Variants in SPRY1 observed in about 807,000 individuals in gnomAD.
SPRY1 encodes sprouty RTK signaling antagonist 1.
Under a neutral mutation model 22.6 loss-of-function variants are expected in SPRY1, and 20 were observed. That is an observed-to-expected ratio of 0.89 (90% CI 0.62 to 1.29). The LOEUF (loss-of-function observed/expected upper bound fraction) is 1.29. SPRY1 is among the 50% of genes most tolerant of loss of function. The probability of loss-of-function intolerance (pLI) is 0.00; values close to 1 mark genes in which losing one functional copy is unlikely to be tolerated. For missense variants in SPRY1, 446 were observed against 387.7 expected (o/e 1.15, Z -1.26); for synonymous variants, 155 against 144.7 (o/e 1.07, Z -0.51).
At chr4:123,399,343 T>C in intron 2 of SPRY1, among the ~76,000 whole-genome samples, 1 of 150,922 alleles carries the variant, frequency 6.6e-6, no homozygotes, top group Admixed American at 6.6e-5. Flanking sequence ...GCCACTGCAC[T>C]CCAGCCTGGG....
rs1305972600 is a variant in SPRY1 at position 123,402,278 on chromosome 4, C to G, written c.687C>G (p.Phe229Leu). 1.2e-6 allele frequency: 2 copies of G among 1,614,238 alleles called. No homozygotes were observed. Among genetic ancestry groups the G allele is most frequent in the Non-Finnish European group, 1.7e-6 (2 of 1,180,032 alleles). Residue 229 changes from phenylalanine (F) to leucine (L), a missense_variant, in exon 3 of 3, where the codon TTC becomes TTG. Phe to Leu is a conservative substitution (Grantham distance 22, BLOSUM62 0). Transcript: ENST00000651917. The part of the protein sequence containing the change: ...GTCMCLVKGI[F>L]YHCSNDDEGD... ...GCATGTGCTTAGTCAAGGGCATCTT[C>G]TACCACTGCTCCAATGACGACGAAG...
rs1451455343 is a variant in SPRY1, at chr4:123,402,319, A to C, written c.728A>C (p.Asp243Ala). Residue 243 changes from aspartate to alanine, a missense_variant, in exon 3 of 3, where the codon GAT becomes GCT. Transcript: ENST00000651917. ...SNDDEGDSYS[D>A]NPCSCSQSHC... ...GACGACGAAGGGGATTCCTATTCAG[A>C]TAATCCTTGCTCCTGTTCACAATCA... is the stretch of plus-strand genomic sequence containing the variant. The C allele has an allele frequency of 6.2e-7, 1 of 1,614,242 alleles. No individual in the cohort carries two copies. Among genetic ancestry groups the C allele is most frequent in the Non-Finnish European group, 8.5e-7 (1 of 1,180,036 alleles).
At chr4:123,398,274 TCCGGGCC>T (rs1161716771) in intron 2 of SPRY1, 1 of 151,790 alleles carries the variant, frequency 6.6e-6, no homozygotes, top group Non-Finnish European at 1.5e-5. Flanking sequence ...CCGTGACAGG[TCCGGGCC>T]CGGCCGCGCG....
chr4:123,397,573 G>A (rs1359500588), intron 1 of SPRY1, 38 bp from the exon 2 acceptor site: 2 of 152,160 alleles, frequency 1.3e-5, no homozygotes, highest in East Asian at 3.9e-4. Flanking sequence ...CGAAGAAAGG[G>A]ACATTCACGA....
At position 123,401,661 on chromosome 4, in the gene SPRY1, C is replaced by T. The variant is rs755205655; in HGVS notation, c.70C>T (p.Arg24Cys). 1.5e-5 allele frequency: 24 copies of T among 1,613,974 alleles called. No individual in the cohort carries two copies. Among genetic ancestry groups the T allele is most frequent in the Non-Finnish European group, 1.9e-5 (22 of 1,180,040 alleles). The change falls in exon 3 of 3, where the codon CGT becomes TGT. Residue 24 changes from arginine to cysteine, a missense_variant. Transcript: ENST00000651917. ...GATCCAGCAGCCTTCTTTGGATAGC[C>T]GTCAGAGATTAGACTATGAGAGAGA... The part of the protein sequence containing the change: ...VVIQQPSLDS[R>C]QRLDYEREIQ...
chr4:123,402,784 A>C lies in SPRY1; in HGVS notation c.*233A>C, dbSNP rs942576107. The C allele has an allele frequency of 1.7e-6, 1 of 586,312 alleles. No homozygotes were observed. Among genetic ancestry groups the C allele is most frequent in the Non-Finnish European group, 3.0e-6 (1 of 332,398 alleles). The allele number at this position is 586,312 out of a possible 1,614,324, so 36.3% of individuals were successfully genotyped here. On this transcript the variant is annotated 3_prime_UTR_variant, in exon 3 of 3. Coordinates refer to ENST00000651917, the MANE Select transcript of SPRY1 (RefSeq NM_001258038.2). ...CTTTCAACAAGAGCCTCTGCCATCC[A>C]CTTGAGGGTATTGAGAGCCAGTGGG... is the stretch of plus-strand genomic sequence containing the variant.
In SPRY1 at chr4:123,403,023, T is replaced by TA. The variant is rs773630702; in HGVS notation, c.*474dup. On this transcript the variant is annotated 3_prime_UTR_variant, in exon 3 of 3. Coordinates refer to ENST00000651917, the MANE Select transcript of SPRY1 (RefSeq NM_001258038.2). ...GGCTATCTTCCTAGCATAGGCCCCT[T>TA]AAGTAGCATGGGGGATATATTTTTT... The TA allele has an allele frequency of 1.4e-4, 55 of 405,732 alleles. No homozygotes were observed. The highest frequency in any genetic ancestry group is 2.2e-4 in the Non-Finnish European group (48 of 222,028). The allele number at this position is 405,732 out of a possible 1,614,324, so 25.1% of individuals were successfully genotyped here.
At position 123,402,393 on chromosome 4, in the gene SPRY1, C is replaced by T. The variant is rs1725208714; in HGVS notation, c.802C>T (p.Pro268Ser). Residue 268 changes from proline (P) to serine (S), a missense_variant, in exon 3 of 3, where the codon CCT (proline) becomes TCT (serine). By Grantham distance (74) the Pro-to-Ser change is moderately conservative. Coordinates refer to ENST00000651917, the MANE Select transcript of SPRY1 (RefSeq NM_001258038.2). ...LCMGAMSLFL[P>S]CLLCYPPAKG... ...TATGGGAGCCATGTCTTTATTTTTA[C>T]CTTGCTTACTCTGTTATCCTCCTGC... 1.2e-6 allele frequency: 2 copies of T among 1,614,166 alleles called. No individual in the cohort carries two copies. Among genetic ancestry groups the T allele is most frequent in the Non-Finnish European group, 1.7e-6 (2 of 1,180,032 alleles).
chr4:123,402,540 AAAC>A lies in SPRY1; in HGVS notation c.950_952del (p.Lys317_Pro318delinsThr). ...GAGCTGCCCCTCCCGGGGTCAGGGT[AAAC>A]CATCATGATTTTTGGAGGTGGGTTG... is the stretch of plus-strand genomic sequence containing the variant. On this transcript the variant is annotated inframe_deletion, in exon 3 of 3. Transcript: ENST00000651917. 1 of 1,603,772 alleles carries A rather than the reference AAAC, an allele frequency of 6.2e-7. No homozygotes were observed. Among genetic ancestry groups the A allele is most frequent in the Middle Eastern group, 1.7e-4 (1 of 6,004 alleles).
Position 123,401,517 on chromosome 4 carries a change from C to T in SPRY1, c.-55-20C>T. 10 of 1,507,928 alleles carry T rather than the reference C, an allele frequency of 6.6e-6. No individual in the cohort carries two copies. Among genetic ancestry groups the T allele is most frequent in the South Asian group, 4.0e-5 (3 of 74,318 alleles). 93.4% of individuals were successfully genotyped at this position (1,507,928 alleles called of 1,614,324 possible). A position where few individuals can be genotyped will look rare whatever the true frequency, so the allele number is the denominator to read the frequency against. On this transcript the variant is annotated intron_variant, in intron 2 of 2. Transcript: ENST00000651917. Reference sequence around the variant, plus strand: ...CCTGTCATTTATTTTCTGTTTTTTTCATCTTTGATTTCGTTTTAGGATTTC... The same window carrying T: ...CCTGTCATTTATTTTCTGTTTTTTTTATCTTTGATTTCGTTTTAGGATTTC...
chr4:123,399,619 C>G (rs929801110), intron 2 of SPRY1: 1 of 152,282 alleles, frequency 6.6e-6, no homozygotes, highest in Non-Finnish European at 1.5e-5. Context: ...CCCAGCTTTT[C>G]CTTTAAAGCA....
At chr4:123,400,722 A>G (rs1024612606) in intron 2 of SPRY1, among the ~76,000 whole-genome samples, 4 of 152,324 alleles carry the variant, frequency 2.6e-5, no homozygotes, top group Middle Eastern at 3.4e-3. Context: ...GGATTTCCCT[A>G]CACTGCGTTA....
Position 123,402,977 on chromosome 4 carries a change from AT to A in SPRY1, c.*428del. The A allele has an allele frequency of 2.4e-6, 1 of 421,938 alleles. No homozygotes were observed. Among genetic ancestry groups the A allele is most frequent in the Non-Finnish European group, 4.3e-6 (1 of 230,696 alleles). The allele number at this position is 421,938 out of a possible 1,614,324, so 26.1% of individuals were successfully genotyped here. On this transcript the variant is annotated 3_prime_UTR_variant, in exon 3 of 3. Coordinates refer to ENST00000651917, the MANE Select transcript of SPRY1 (RefSeq NM_001258038.2). Reference sequence around the variant, plus strand: ...GTTTAATTGCTTAAATAAGCTATGTATTAAATCTGTCTCCAGTTAGGGCTAT... The same window carrying A: ...GTTTAATTGCTTAAATAAGCTATGTATAAATCTGTCTCCAGTTAGGGCTAT...
At position 123,402,077 on chromosome 4, in the gene SPRY1, T is replaced by G. The variant is rs759990917; in HGVS notation, c.486T>G (p.Ile162Met). 5.0e-6 allele frequency: 8 copies of G among 1,614,018 alleles called. No homozygotes were observed. The South Asian group carries it at 6.6e-5, about 13-fold the overall frequency. Residue 162 changes from isoleucine (I) to methionine (M), a missense_variant, in exon 3 of 3, where the codon ATT (isoleucine) becomes ATG (methionine). By Grantham distance (10) the Ile-to-Met change is conservative (BLOSUM62 1). Transcript: ENST00000651917. ...TCCGGACCCAGCCCAAGCAACTGAT[T>G]GTGGATGACTTGAAGGGTTCCTTGA... The part of the protein sequence containing the change: ...RAIRTQPKQL[I>M]VDDLKGSLKE...
In SPRY1 at chr4:123,402,038, G is replaced by A. The variant is rs779563071; in HGVS notation, c.447G>A (p.Arg149=). ...SPPTRPVPGH[R]SERAIRTQPK... is the part of the protein sequence containing the mutation. ...CAACCAGACCAGTCCCTGGTCATAGGTCTGAAAGGGCAATCCGGACCCAGC... is the reference window on the plus strand; with the variant it reads ...CAACCAGACCAGTCCCTGGTCATAGATCTGAAAGGGCAATCCGGACCCAGC... The change falls in exon 3 of 3, where the codon AGG becomes AGA. Residue 149 remains arginine (R), a synonymous_variant. Transcript: ENST00000651917. The A allele has an allele frequency of 6.2e-7, 1 of 1,614,162 alleles. No homozygotes were observed. Among genetic ancestry groups the A allele is most frequent in the Middle Eastern group, 1.6e-4 (1 of 6,062 alleles).
chr4:123,403,760 C>T (rs540117802), downstream of SPRY1: 1 of 166,666 alleles, frequency 6.0e-6, no homozygotes, highest in South Asian at 2.1e-4. Flanking sequence ...ATGAAACTGT[C>T]TCTCGATTTC....
At chr4:123,401,415 TG>T in intron 2 of SPRY1, 121 bp from the exon 3 acceptor site, 1 of 784,390 alleles carries the variant, frequency 1.3e-6, no homozygotes. Context: ...TGTAATCCAC[TG>T]ATGAAGGAGG....
At chr4:123,400,667 T>TA (rs1362652891) in intron 2 of SPRY1, among the ~76,000 whole-genome samples, 2 of 152,220 alleles carry the variant, frequency 1.3e-5, no homozygotes, top group Non-Finnish European at 2.9e-5. Context: ...GTCATGTAAA[T>TA]ACAGATTTTT....
At position 123,401,662 on chromosome 4, in the gene SPRY1, G is replaced by T; in HGVS notation, c.71G>T (p.Arg24Leu). ...VVIQQPSLDS[R>L]QRLDYEREIQ... ...ATCCAGCAGCCTTCTTTGGATAGCC[G>T]TCAGAGATTAGACTATGAGAGAGAG... The change falls in exon 3 of 3, where the codon CGT becomes CTT. Residue 24 changes from arginine (R) to leucine (L), a missense_variant. Physicochemically the swap from Arg to Leu is moderately radical, Grantham distance 102. Transcript: ENST00000651917. 1.2e-6 allele frequency: 2 copies of T among 1,614,148 alleles called. No individual in the cohort carries two copies. The highest frequency in any genetic ancestry group is 1.7e-6 in the Non-Finnish European group (2 of 1,180,018).
Sources: allele counts gnomAD v4.1 joint callset (sites outside exome capture counted in the v4.1 genomes callset), GRCh38; gene constraint gnomAD v4.1.1; transcripts MANE v1.5; gene names NCBI Gene and HGNC (gene_info 2026-07-23, HGNC 2026-07-21).